SLC22A25: variants seen among roughly 807,000 people sequenced by gnomAD.
SLC22A25 encodes the protein solute carrier family 22 member 25.
In SLC22A25, 44 loss-of-function variants were observed where a neutral mutation model predicts 45.9. The ratio of observed to expected loss-of-function variants is 0.96; its 90% CI spans 0.75 to 1.23. The LOEUF is 1.23. Among genes scored for constraint, SLC22A25 ranks in the 50% most tolerant of loss-of-function variants. The probability of loss-of-function intolerance (pLI) is 0.00; values close to 1 mark genes in which losing one functional copy is unlikely to be tolerated. For missense variants in SLC22A25, 800 were observed against 666.4 expected (o/e 1.20, Z -2.21); for synonymous variants, 283 against 238.6 (o/e 1.19, Z -1.72).
In SLC22A25 at chr11:63,213,977, A is replaced by G. The variant is rs369566584; in HGVS notation, c.830+3337T>C. ...AATTAAAAGCCTCAGAAGGAGGAGT[A>G]CATGGAAAATTTAATTTAACCAACT... On this transcript the variant is annotated intron_variant, in intron 7 of 11. Transcript: ENST00000306494. 4.6e-5 allele frequency among the ~76,000 whole-genome samples: 7 copies of G among 152,306 alleles called. No homozygotes were observed. The East Asian group carries it at 9.6e-4, about 21-fold the overall frequency.
chr11:63,194,890 C>A (rs375748924), intron 7 of SLC22A25, among the ~76,000 whole-genome samples: 2,610 of 34,622 alleles, frequency 0.075, 58 homozygotes, highest in Non-Finnish European at 0.13. Flanking sequence ...AAATGGAAAG[C>A]AAAAAAAAAA....
intron 5 of SLC22A25, among the ~76,000 whole-genome samples, chr11:63,222,027 G>A (rs984073914): frequency 3.3e-5 from 5 of 151,922 alleles, no homozygotes; most frequent in South Asian, 2.1e-4. Context: ...TTTTGGTTAC[G>A]ATAGCTCTGT....
chr11:63,204,283 G>A (rs781571209), intron 7 of SLC22A25, among the ~76,000 whole-genome samples: 2 of 152,124 alleles, frequency 1.3e-5, no homozygotes, highest in Non-Finnish European at 2.9e-5. Context: ...GCATCATAAC[G>A]ACACTATGAA....
In SLC22A25 at chr11:63,196,069, A is replaced by G. The variant is rs571741497; in HGVS notation, c.831-12252T>C. Among the ~76,000 whole-genome samples the G allele has an allele frequency of 9.9e-4, 151 of 152,270 alleles. 1 individual carries two copies. The highest frequency in any genetic ancestry group is 1.0e-3 in the Non-Finnish European group (69 of 68,018). ...CTAAACCACGAAGAAGCTGAATCCC[A>G]GAATAGACCAATAAGAGGCTCTGAA... On this transcript the variant is annotated intron_variant, in intron 7 of 11. Coordinates refer to ENST00000306494, the MANE Select transcript of SLC22A25 (RefSeq NM_199352.6).
At chr11:63,183,634 A>T (rs2088408715) in intron 8 of SLC22A25, 60 bp downstream of exon 8, 2 of 1,605,662 alleles carry the variant, frequency 1.2e-6, no homozygotes, top group Non-Finnish European at 1.7e-6. Flanking sequence ...GAACACCAAC[A>T]AGTATAGATG....
chr11:63,197,183 A>T (rs1174607457), intron 7 of SLC22A25, among the ~76,000 whole-genome samples: 1 of 152,222 alleles, frequency 6.6e-6, no homozygotes, highest in Non-Finnish European at 1.5e-5. Context: ...ATACTGCCCA[A>T]GGTAATTTAT....
chr11:63,217,304 AG>A lies in SLC22A25; in HGVS notation c.830+9del, dbSNP rs1319019599. 14 of 1,609,918 alleles carry A rather than the reference AG, an allele frequency of 8.7e-6. No homozygotes were observed. Among genetic ancestry groups the A allele is most frequent in the Non-Finnish European group, 1.1e-5 (13 of 1,178,062 alleles). On this transcript the variant is annotated intron_variant, in intron 7 of 11. Transcript: ENST00000306494. ...TGTCATATGGCAAAAGAAGAATGCA[AG>A]CTCAATACCTTGAGAACAGAAAGAA...
In SLC22A25 at chr11:63,175,825, G is replaced by GTGTATATA. The variant is rs36011311; in HGVS notation, c.1070+4834_1070+4835insTATATACA. Among the ~76,000 whole-genome samples the GTGTATATA allele has an allele frequency of 8.5e-3, 1,275 of 150,314 alleles. 7 individuals are homozygous for GTGTATATA. The highest frequency in any genetic ancestry group is 0.018 in the African/African-American group (730 of 40,846). ...TCATTTAATAAAGAAAATTGGGTGTGTATATATATATATACACATTTTAAT... is the reference window on the plus strand; with the variant it reads ...TCATTTAATAAAGAAAATTGGGTGTGTGTATATATATATATATATATACACATTTTAAT... On this transcript the variant is annotated intron_variant, in intron 9 of 11. Transcript: ENST00000306494.
At chr11:63,231,830 C>A (rs1214309828) in intron 3 of SLC22A25, among the ~76,000 whole-genome samples, 1 of 152,102 alleles carries the variant, frequency 6.6e-6, no homozygotes, top group Non-Finnish European at 1.5e-5. Context: ...GGAAGGGATC[C>A]AGTTTCAGCT....
At chr11:63,174,977 G>A (rs976496106) in intron 9 of SLC22A25, among the ~76,000 whole-genome samples, 3 of 152,066 alleles carry the variant, frequency 2.0e-5, no homozygotes, top group Non-Finnish European at 4.4e-5. Flanking sequence ...TTCCATGGCT[G>A]ACTAATATTC....
At chr11:63,180,407 T>C (rs566213695) in intron 9 of SLC22A25, among the ~76,000 whole-genome samples, 1 of 152,272 alleles carries the variant, frequency 6.6e-6, no homozygotes, top group South Asian at 2.1e-4. Flanking sequence ...ACCTATACTA[T>C]AATTGAAGTT....
chr11:63,201,049 A>C (rs1318524986), intron 7 of SLC22A25, among the ~76,000 whole-genome samples: 6 of 152,242 alleles, frequency 3.9e-5, no homozygotes, highest in Non-Finnish European at 7.3e-5. Context: ...GATAGGAAGA[A>C]CCAATATTGT....
intron 5 of SLC22A25, among the ~76,000 whole-genome samples, chr11:63,219,429 T>A (rs1181495874): frequency 6.6e-6 from 1 of 152,210 alleles, no homozygotes; most frequent in African/African-American, 2.4e-5. Context: ...TTTTTGGTTG[T>A]TCTTGTGGCA....
intron 7 of SLC22A25, among the ~76,000 whole-genome samples, chr11:63,193,314 G>C (rs369120566): frequency 6.6e-6 from 1 of 152,200 alleles, no homozygotes; most frequent in Non-Finnish European, 1.5e-5. Context: ...TTTGAGATCT[G>C]AGAACAGACA....
chr11:63,210,942 C>T (rs562801503), intron 7 of SLC22A25, among the ~76,000 whole-genome samples: 1 of 152,130 alleles, frequency 6.6e-6, no homozygotes, highest in South Asian at 2.1e-4. Context: ...TTCCTTTATA[C>T]CTAAAGGGAA....
chr11:63,184,007 C>T (rs2088426922), intron 7 of SLC22A25, among the ~76,000 whole-genome samples, 190 bp from the exon 8 acceptor site: 2 of 152,126 alleles, frequency 1.3e-5, no homozygotes, highest in South Asian at 2.1e-4. Flanking sequence ...GTGCAGTACA[C>T]ATTCACTGTT....
chr11:63,243,030 AAC>A (rs1258796018), intron 1 of SLC22A25: 1 of 155,680 alleles, frequency 6.4e-6, no homozygotes, highest in Non-Finnish European at 1.4e-5. Flanking sequence ...AACAAAAACA[AAC>A]ACACTTTTCC....
intron 7 of SLC22A25, among the ~76,000 whole-genome samples, chr11:63,203,743 T>A (rs903973200): frequency 6.6e-6 from 1 of 152,076 alleles, no homozygotes; most frequent in Non-Finnish European, 1.5e-5. Context: ...TTCAGGCTAT[T>A]ATCCAGGAGA....
At chr11:63,174,130 T>C (rs1590789603) in intron 9 of SLC22A25, among the ~76,000 whole-genome samples, 1 of 152,120 alleles carries the variant, frequency 6.6e-6, no homozygotes, top group Non-Finnish European at 1.5e-5. Flanking sequence ...CAACTCCCAC[T>C]TATCAGTGAG....
Sources: gnomAD v4.1 joint callset for allele counts (sites outside exome capture counted in the v4.1 genomes callset) on GRCh38, gnomAD v4.1.1 for gene constraint, MANE v1.5 for transcripts, NCBI Gene and HGNC (gene_info 2026-07-23, HGNC 2026-07-21) for gene names.